ITGA8: variants seen among roughly 807,000 people sequenced by gnomAD.
The protein encoded by ITGA8 is integrin subunit alpha 8, also known as integrin alpha-8.
Under a neutral mutation model 142.3 loss-of-function variants are expected in ITGA8, and 91 were observed. The observed-to-expected ratio is 0.64, with a 90% CI of 0.54 to 0.76. The LOEUF (loss-of-function observed/expected upper bound fraction) is 0.76, where lower values mean the gene tolerates loss of function less well. Ranked by LOEUF, ITGA8 falls within the 30% of genes least tolerant of loss-of-function variation. The pLI is 0.00. For synonymous variants in ITGA8, 505 were observed against 485.2 expected (o/e 1.04, Z -0.54); for missense variants, 1,406 against 1,327.7 (o/e 1.06, Z -0.92).
chr10:15,557,856 T>G (rs1446286295), intron 26 of ITGA8, among the ~76,000 whole-genome samples: 2 of 152,246 alleles, frequency 1.3e-5, no homozygotes, highest in East Asian at 3.8e-4. Flanking sequence ...GTGGCCTCCA[T>G]GGCAGCTTTA....
At chr10:15,581,470 G>C (rs1297008915) in intron 23 of ITGA8, among the ~76,000 whole-genome samples, 1 of 152,134 alleles carries the variant, frequency 6.6e-6, no homozygotes, top group Non-Finnish European at 1.5e-5. Context: ...ATCTCTGTAA[G>C]TGTAATAGCT....
intron 13 of ITGA8, among the ~76,000 whole-genome samples, chr10:15,635,311 A>G (rs1833755579): frequency 6.6e-6 from 1 of 152,094 alleles, no homozygotes. Context: ...GGCCTTCACT[A>G]AATCTTTTTA....
intron 2 of ITGA8, among the ~76,000 whole-genome samples, chr10:15,696,575 TTAA>T (rs770855144): frequency 2.6e-5 from 4 of 152,146 alleles, no homozygotes; most frequent in African/African-American, 4.8e-5. Flanking sequence ...TGGCTCCAAA[TTAA>T]TAACATTTGC....
rs190642255 is a variant in ITGA8, at chr10:15,708,737, A to G, written c.343+10029T>C. Among the ~76,000 whole-genome samples, 27 of 152,344 alleles carry G rather than the reference A, an allele frequency of 1.8e-4. No individual in the cohort carries two copies. The East Asian group carries it at 4.1e-3, about 23-fold the overall frequency. On this transcript the variant is annotated intron_variant, in intron 2 of 29. Transcript: ENST00000378076. ...AACAAATTGGCACAGCAAACCTCCTAGGCATGGTTTGGCCTACAAAATATG... is the reference window on the plus strand; with the variant it reads ...AACAAATTGGCACAGCAAACCTCCTGGGCATGGTTTGGCCTACAAAATATG...
At chr10:15,705,687 A>G (rs747955926) in intron 2 of ITGA8, among the ~76,000 whole-genome samples, 8 of 152,182 alleles carry the variant, frequency 5.3e-5, no homozygotes, top group Non-Finnish European at 8.8e-5. Context: ...CCCATTGGCT[A>G]TCTCCCATTC....
chr10:15,695,762 G>C (rs1459939323), intron 2 of ITGA8, among the ~76,000 whole-genome samples: 1 of 152,162 alleles, frequency 6.6e-6, no homozygotes, highest in Non-Finnish European at 1.5e-5. Context: ...TTGAGAACAG[G>C]GAAAGAAAGA....
At chr10:15,553,411 T>C (rs1430230937) in intron 26 of ITGA8, among the ~76,000 whole-genome samples, 1 of 152,160 alleles carries the variant, frequency 6.6e-6, no homozygotes, top group African/African-American at 2.4e-5. Flanking sequence ...ATTATATTTT[T>C]CTGTCCATTT....
intron 25 of ITGA8, among the ~76,000 whole-genome samples, chr10:15,561,548 G>T (rs942577571): frequency 6.6e-6 from 1 of 152,076 alleles, no homozygotes; most frequent in African/African-American, 2.4e-5. Flanking sequence ...AGAATACAGA[G>T]TCAAATTACT....
chr10:15,700,348 C>T (rs1835139377), intron 2 of ITGA8, among the ~76,000 whole-genome samples: 1 of 152,174 alleles, frequency 6.6e-6, no homozygotes, highest in Non-Finnish European at 1.5e-5. Flanking sequence ...TCCCCATGCT[C>T]CTCAACCTGC....
At chr10:15,526,420 C>T (rs1833175853) in intron 28 of ITGA8, among the ~76,000 whole-genome samples, 1 of 152,138 alleles carries the variant, frequency 6.6e-6, no homozygotes, top group Admixed American at 6.5e-5. Context: ...AGGTGATCCA[C>T]CCACCTCGGC....
chr10:15,628,908 G>A (rs1364457390), intron 13 of ITGA8, among the ~76,000 whole-genome samples: 1 of 151,932 alleles, frequency 6.6e-6, no homozygotes, highest in East Asian at 1.9e-4. Context: ...GTACTTTACA[G>A]CATGCAAATT....
At chr10:15,667,684 C>G (rs1372128054) in intron 8 of ITGA8, among the ~76,000 whole-genome samples, 1 of 151,726 alleles carries the variant, frequency 6.6e-6, no homozygotes. Context: ...CTACACACTG[C>G]TTTGAATGTG....
At chr10:15,650,900 T>G (rs752028169) in intron 11 of ITGA8, among the ~76,000 whole-genome samples, 1 of 152,180 alleles carries the variant, frequency 6.6e-6, no homozygotes, top group African/African-American at 2.4e-5. Flanking sequence ...ACAACCTCTT[T>G]ATGGTTTAAT....
chr10:15,613,846 T>C, intron 14 of ITGA8, 79 bp from the exon 15 acceptor site: 2 of 938,782 alleles, frequency 2.1e-6, no homozygotes, highest in Non-Finnish European at 3.5e-6. Flanking sequence ...CACTGCATAC[T>C]GAACTCAGTA....
intron 8 of ITGA8, 130 bp downstream of exon 8, chr10:15,671,473 G>T (rs1428990041): frequency 2.9e-6 from 2 of 686,026 alleles, no homozygotes; most frequent in South Asian, 3.7e-5. Flanking sequence ...ACAAAGTATA[G>T]GCACTCTGGG....
intron 2 of ITGA8, among the ~76,000 whole-genome samples, chr10:15,701,863 A>G (rs1303763968): frequency 6.6e-6 from 1 of 152,220 alleles, no homozygotes; most frequent in African/African-American, 2.4e-5. Flanking sequence ...GAAATCCTTA[A>G]CCATTTGTTT....
intron 6 of ITGA8, among the ~76,000 whole-genome samples, chr10:15,675,416 C>G (rs1834609058): frequency 6.6e-6 from 1 of 152,176 alleles, no homozygotes; most frequent in Non-Finnish European, 1.5e-5. Context: ...ATATATCCAA[C>G]CCATCATTTA....
At chr10:15,547,964 C>G (rs559111945) in intron 27 of ITGA8, among the ~76,000 whole-genome samples, 45 of 152,230 alleles carry the variant, frequency 3.0e-4, no homozygotes, top group Middle Eastern at 3.4e-3. Flanking sequence ...CTGTCTTTAC[C>G]TGCTGGGAAA....
intron 27 of ITGA8, among the ~76,000 whole-genome samples, chr10:15,537,834 T>C (rs1833477974): frequency 6.6e-6 from 1 of 152,100 alleles, no homozygotes; most frequent in South Asian, 2.1e-4. Flanking sequence ...AAAGTAACAA[T>C]TGGCTGGGCA....
Sources: gnomAD v4.1 joint callset for allele counts (sites outside exome capture counted in the v4.1 genomes callset) on GRCh38, gnomAD v4.1.1 for gene constraint, MANE v1.5 for transcripts, NCBI Gene and HGNC (gene_info 2026-07-23, HGNC 2026-07-21) for gene names.